TPT1: variants seen among roughly 807,000 people sequenced by gnomAD.
TPT1 encodes tumor protein, translationally-controlled 1.
In TPT1, 5 loss-of-function variants were observed where a neutral mutation model predicts 22.8. The observed-to-expected ratio is 0.22, with a 90% confidence interval of 0.11 to 0.46. The LOEUF (loss-of-function observed/expected upper bound fraction) is 0.46. Among genes scored for constraint, TPT1 ranks in the 20% least tolerant of loss-of-function variants. The probability of loss-of-function intolerance (pLI) is 0.99; values close to 1 mark genes in which losing one functional copy is unlikely to be tolerated. For missense variants in TPT1, 130 were observed against 218.7 expected (o/e 0.59, Z 2.56); for synonymous variants, 89 against 73.6 (o/e 1.21, Z -1.07).
chr13:45,333,978 C>T lies in TPT1; in HGVS notation c.*3408G>A, dbSNP rs867036068. On this transcript the variant is annotated 3_prime_UTR_variant, in exon 6 of 6. Coordinates refer to ENST00000530705, the MANE Select transcript of TPT1 (RefSeq NM_003295.4). ...CTTTTTTCAGATAGTGTCTCACTGCCGCCCAGGCTGGAGTGCAGTGGTATG... is the reference window on the plus strand; with the variant it reads ...CTTTTTTCAGATAGTGTCTCACTGCTGCCCAGGCTGGAGTGCAGTGGTATG... 1 of 152,162 alleles carries T rather than the reference C, an allele frequency of 6.6e-6. No homozygotes were observed. Among genetic ancestry groups the T allele is most frequent in the Non-Finnish European group, 1.5e-5 (1 of 68,058 alleles). The allele number at this position is 152,162 out of a possible 1,614,324, so 9.4% of individuals were successfully genotyped here.
At chr13:45,337,692 C>T (rs1878797906) in intron 5 of TPT1, 1 of 820,078 alleles carries the variant, frequency 1.2e-6, no homozygotes, top group African/African-American at 1.7e-5. Context: ...CCAACAAAAA[C>T]CTCAGATACT....
intron 4 of TPT1, chr13:45,339,022 C>T: frequency 2.5e-6 from 1 of 401,088 alleles, no homozygotes; most frequent in Non-Finnish European, 4.4e-6. Context: ...AACCTTTACT[C>T]TCAATCCTAA....
rs576226315 is a variant in TPT1 at position 45,338,571 on chromosome 13, A to C, written c.516+89T>G. 2.9e-5 allele frequency: 45 copies of C among 1,544,492 alleles called. No homozygotes were observed. The East Asian group carries it at 1.0e-3, about 35-fold the overall frequency. On this transcript the variant is annotated intron_variant, in intron 5 of 5. Coordinates refer to ENST00000530705, the MANE Select transcript of TPT1 (RefSeq NM_003295.4). Reference sequence around the variant, plus strand: ...AAACCATGTTTCAGAACGCTGTAAAACTCATTCTCAGTGTCACAAAACAAT... The same window carrying C: ...AAACCATGTTTCAGAACGCTGTAAACCTCATTCTCAGTGTCACAAAACAAT...
Position 45,335,871 on chromosome 13 carries a change from G to A in TPT1, c.*1515C>T, listed in dbSNP as rs1244289810. ...ATCTGCCTCAGGTTTTGGACACTAT[G>A]GACAGTCTGGAATTTGACACTAGGG... On this transcript the variant is annotated 3_prime_UTR_variant, in exon 6 of 6. Transcript: ENST00000530705. 4 of 152,156 alleles carry A rather than the reference G, an allele frequency of 2.6e-5. No individual in the cohort carries two copies. The highest frequency in any genetic ancestry group is 9.7e-5 in the African/African-American group (4 of 41,422). The allele number at this position is 152,156 out of a possible 1,614,324, so 9.4% of individuals were successfully genotyped here. A position where few individuals can be genotyped will look rare whatever the true frequency, so the allele number is the denominator to read the frequency against.
chr13:45,340,150 G>A lies in TPT1; in HGVS notation c.137C>T (p.Ser46Leu). Residue 46 changes from serine (S) to leucine (L), a missense_variant, in exon 3 of 6, where the codon TCG (serine) becomes TTG (leucine). Physicochemically the swap from Ser to Leu is moderately radical, Grantham distance 145. Coordinates refer to ENST00000530705, the MANE Select transcript of TPT1 (RefSeq NM_003295.4). ...AGCGGAGGCATTTCCACCAATGAGC[G>A]AGTCATCAATGTTACCTTCTGTCCT... ...VSRTEGNIDD[S>L]LIGGNASAEG... The A allele has an allele frequency of 6.2e-7, 1 of 1,613,970 alleles. No individual in the cohort carries two copies. Among genetic ancestry groups the A allele is most frequent in the South Asian group, 1.1e-5 (1 of 91,044 alleles).
intron 2 of TPT1, chr13:45,340,450 GGACA>G: frequency 1.4e-6 from 1 of 737,862 alleles, no homozygotes; most frequent in South Asian, 1.5e-5. Context: ...AGTGGGGACA[GGACA>G]AACACGAAAG....
In TPT1 at chr13:45,340,095, G is replaced by A. The variant is rs11552482; in HGVS notation, c.192C>T (p.Ser64=). The change falls in exon 3 of 6, where the codon AGC becomes AGT. Residue 64 remains serine, a synonymous_variant. Coordinates refer to ENST00000530705, the MANE Select transcript of TPT1 (RefSeq NM_003295.4). ...CAATATCGACACCAGTGATTACTGT[G>A]CTTTCGGTACCTTCGCCCTCGGGGC... ...AEGPEGEGTE[S]TVITGVDIVM... is the part of the protein sequence containing the mutation. 1 of 1,614,176 alleles carries A rather than the reference G, an allele frequency of 6.2e-7. No homozygotes were observed. Among genetic ancestry groups the A allele is most frequent in the Non-Finnish European group, 8.5e-7 (1 of 1,180,030 alleles).
chr13:45,338,811 A>G, intron 4 of TPT1, 35 bp from the exon 5 acceptor site: 1 of 1,516,958 alleles, frequency 6.6e-7, no homozygotes, highest in East Asian at 2.3e-5. Context: ...GAATTAGACT[A>G]TTACATACAA....
In TPT1 at chr13:45,337,355, G is replaced by A; in HGVS notation, c.*31C>T. 6.2e-7 allele frequency: 1 copy of A among 1,611,236 alleles called. No individual in the cohort carries two copies. The highest frequency in any genetic ancestry group is 1.3e-5 in the African/African-American group (1 of 74,956). On this transcript the variant is annotated 3_prime_UTR_variant, in exon 6 of 6. Coordinates refer to ENST00000530705, the MANE Select transcript of TPT1 (RefSeq NM_003295.4). Reference sequence around the variant, plus strand: ...CAAGCAGAAGCCAGTTATGATGACAGGTGATAGATCCAAAATAATTGCCAC... The same window carrying A: ...CAAGCAGAAGCCAGTTATGATGACAAGTGATAGATCCAAAATAATTGCCAC...
chr13:45,340,591 G>C, intron 2 of TPT1, 121 bp downstream of exon 2: 1 of 1,214,686 alleles, frequency 8.2e-7, no homozygotes, highest in Non-Finnish European at 1.2e-6. Context: ...CCCAAGCCCG[G>C]AAAGAGCGTC....
chr13:45,338,555 T>A, intron 5 of TPT1, 105 bp downstream of exon 5: 2 of 1,494,566 alleles, frequency 1.3e-6, no homozygotes, highest in Non-Finnish European at 1.8e-6. Context: ...AAAACCATGT[T>A]TCAGAACGCT....
chr13:45,340,555 G>C, intron 2 of TPT1, 157 bp downstream of exon 2: 1 of 952,282 alleles, frequency 1.1e-6, no homozygotes, highest in Non-Finnish European at 1.6e-6. Flanking sequence ...TCCAGGATCA[G>C]CTCCGCCTCC....
In TPT1 at chr13:45,337,211, C is replaced by T. The variant is rs1300341297; in HGVS notation, c.*175G>A. 2 of 664,592 alleles carry T rather than the reference C, an allele frequency of 3.0e-6. No individual in the cohort carries two copies. The highest frequency in any genetic ancestry group is 3.6e-5 in the African/African-American group (2 of 54,834). The allele number at this position is 664,592 out of a possible 1,614,324, so 41.2% of individuals were successfully genotyped here. On this transcript the variant is annotated 3_prime_UTR_variant, in exon 6 of 6. Transcript: ENST00000530705. ...ATGCATTTTATTTTTAGACAACCTA[C>T]ATGACATGTTTTTCTTAAAAACAAT... is the stretch of plus-strand genomic sequence containing the variant.
rs1400966147 is a variant in TPT1 at position 45,335,913 on chromosome 13, C to T, written c.*1473G>A. On this transcript the variant is annotated 3_prime_UTR_variant, in exon 6 of 6. Coordinates refer to ENST00000530705, the MANE Select transcript of TPT1 (RefSeq NM_003295.4). The stretch of plus-strand genomic sequence containing the variant: ...ACACTAGGGCAAACTCCAGATTGCT[C>T]AAACCACTACATTCACATGTTCAAG... 1.3e-5 allele frequency: 2 copies of T among 152,186 alleles called. No individual in the cohort carries two copies. The highest frequency in any genetic ancestry group is 2.4e-5 in the African/African-American group (1 of 41,438). 9.4% of individuals were successfully genotyped at this position (152,186 alleles called of 1,614,324 possible).
In TPT1 at chr13:45,334,016, T is replaced by C. The variant is rs947635725; in HGVS notation, c.*3370A>G. The C allele has an allele frequency of 7.9e-5, 12 of 152,216 alleles. No homozygotes were observed. Among genetic ancestry groups the C allele is most frequent in the African/African-American group, 2.9e-4 (12 of 41,450 alleles). The allele number at this position is 152,216 out of a possible 1,614,324, so 9.4% of individuals were successfully genotyped here. A position where few individuals can be genotyped will look rare whatever the true frequency, so the allele number is the denominator to read the frequency against. On this transcript the variant is annotated 3_prime_UTR_variant, in exon 6 of 6. Coordinates refer to ENST00000530705, the MANE Select transcript of TPT1 (RefSeq NM_003295.4). The stretch of plus-strand genomic sequence containing the variant: ...GTGCAGTGGTATGATCACAGCTCAC[T>C]GCACCCTCAATCTCTCGGACTCAAG...
chr13:45,337,770 A>T (rs1290713988), intron 5 of TPT1, among the ~76,000 whole-genome samples: 1 of 152,186 alleles, frequency 6.6e-6, no homozygotes, highest in Admixed American at 6.5e-5. Context: ...TGTTGACTCT[A>T]ATCTTGTTCA....
chr13:45,340,926 G>A (rs1879080573), intron 1 of TPT1, 116 bp downstream of exon 1: 9 of 1,525,056 alleles, frequency 5.9e-6, no homozygotes, highest in Non-Finnish European at 7.1e-6. Context: ...CGACCCCTCC[G>A]CGCTCGGCTA....
chr13:45,340,262 T>TTC (rs750037838), intron 2 of TPT1, 78 bp from the exon 3 acceptor site: 104 of 1,485,256 alleles, frequency 7.0e-5, no homozygotes, highest in Middle Eastern at 1.7e-4. Flanking sequence ...AGTTCACGGA[T>TTC]AAGAAGTATT....
chr13:45,340,410 G>C (rs1357611675), intron 2 of TPT1: 9 of 781,588 alleles, frequency 1.2e-5, no homozygotes, highest in Non-Finnish European at 2.0e-5. Context: ...GTTGTTTCCA[G>C]TTGCGGGCAT....
Sources: gnomAD v4.1 joint callset for allele counts (sites outside exome capture counted in the v4.1 genomes callset) on GRCh38, gnomAD v4.1.1 for gene constraint, MANE v1.5 for transcripts, NCBI Gene and HGNC (gene_info 2026-07-23, HGNC 2026-07-21) for gene names.